Variants in PTPN1 observed in about 807,000 individuals in gnomAD.
PTPN1 encodes the protein protein tyrosine phosphatase non-receptor type 1, also known as tyrosine-protein phosphatase non-receptor type 1.
PTPN1 carries 12 observed loss-of-function variants against 59.9 expected under a neutral mutation model. The observed-to-expected ratio is 0.20, with a 90% CI of 0.13 to 0.32. The LOEUF (loss-of-function observed/expected upper bound fraction) is 0.32, where lower values mean the gene tolerates loss of function less well. PTPN1 is among the 10% of genes least tolerant of loss of function. The probability of loss-of-function intolerance (pLI) is 1.00; values close to 1 mark genes in which losing one functional copy is unlikely to be tolerated. For missense variants in PTPN1, 356 were observed against 549.2 expected, an observed-to-expected ratio of 0.65 and a Z score of 3.52; for synonymous variants, 178 against 203.6, an observed-to-expected ratio of 0.87 and a Z score of 1.07.
intron 1 of PTPN1, among the ~76,000 whole-genome samples, chr20:50,532,747 T>G (rs953588501): frequency 1.3e-5 from 2 of 152,034 alleles, no homozygotes; most frequent in South Asian, 4.2e-4. Flanking sequence ...TATGTGTGGG[T>G]GGGTGTGTGT....
intron 4 of PTPN1, among the ~76,000 whole-genome samples, chr20:50,569,863 A>C (rs115710222): frequency 0.027 from 4,153 of 152,318 alleles, 172 homozygotes; most frequent in African/African-American, 0.095. Context: ...GCAGGGCCAC[A>C]GGCTCCTCGG....
intron 4 of PTPN1, chr20:50,571,059 G>A (rs541787175): frequency 6.6e-6 from 1 of 152,370 alleles, no homozygotes; most frequent in African/African-American, 2.4e-5. Flanking sequence ...TTTAGCAATT[G>A]TTGTCACATT....
intron 1 of PTPN1, among the ~76,000 whole-genome samples, chr20:50,516,397 T>G (rs2082529195): frequency 2.6e-5 from 4 of 152,316 alleles, no homozygotes; most frequent in Admixed American, 2.6e-4. Context: ...CTTACTTTCT[T>G]TGGGTTTTGG....
intron 1 of PTPN1, among the ~76,000 whole-genome samples, chr20:50,551,839 T>C (rs2082703368): frequency 6.6e-6 from 1 of 152,224 alleles, no homozygotes; most frequent in Admixed American, 6.5e-5. Context: ...ATCTGTTTCA[T>C]GGCAAGTTTA....
intron 4 of PTPN1, among the ~76,000 whole-genome samples, chr20:50,569,270 C>T (rs2082794642): frequency 6.6e-6 from 1 of 152,204 alleles, no homozygotes; most frequent in African/African-American, 2.4e-5. Flanking sequence ...GCCCTAGGCC[C>T]CTGGACACAG....
chr20:50,565,526 T>C (rs1027222803), intron 3 of PTPN1, among the ~76,000 whole-genome samples: 2 of 152,222 alleles, frequency 1.3e-5, no homozygotes, highest in Non-Finnish European at 2.9e-5. Context: ...AAAGGCATCA[T>C]TGGATCATGT....
At chr20:50,531,461 C>T (rs1304766799) in intron 1 of PTPN1, among the ~76,000 whole-genome samples, 2 of 152,150 alleles carry the variant, frequency 1.3e-5, no homozygotes, top group African/African-American at 4.8e-5. Context: ...ACTGCAACCT[C>T]CGCCTCCCGA....
intron 1 of PTPN1, among the ~76,000 whole-genome samples, chr20:50,549,410 G>GT (rs1389960351): frequency 2.0e-5 from 3 of 151,856 alleles, no homozygotes; most frequent in South Asian, 2.1e-4. Context: ...GCAGTTGATT[G>GT]TTTTTTTTCC....
rs1253731797 is a variant in PTPN1 at position 50,510,633 on chromosome 20, C to T, written c.63+43C>T. ...AGCGTGGCGGGCCCTTCGCTTAGGC[C>T]GCTTGAACATCCCCTCAGACCTCCA... On this transcript the variant is annotated intron_variant, in intron 1 of 9. Coordinates refer to ENST00000371621, the MANE Select transcript of PTPN1 (RefSeq NM_002827.4). 12 of 1,540,848 alleles carry T rather than the reference C, an allele frequency of 7.8e-6. No homozygotes were observed. In the East Asian group the frequency reaches 9.9e-5, roughly 13 times the overall value.
At chr20:50,534,077 A>G (rs1043879083) in intron 1 of PTPN1, among the ~76,000 whole-genome samples, 34 of 152,256 alleles carry the variant, frequency 2.2e-4, no homozygotes, top group African/African-American at 7.7e-4. Flanking sequence ...AATTACAGGC[A>G]TGCGCCACCA....
chr20:50,567,761 G>T (rs1016278243), intron 3 of PTPN1, among the ~76,000 whole-genome samples: 7 of 152,212 alleles, frequency 4.6e-5, no homozygotes, highest in African/African-American at 1.7e-4. Context: ...GATGGAGGCT[G>T]TCTGCCGTCA....
At position 50,565,076 on chromosome 20, in the gene PTPN1, A is replaced by G; in HGVS notation, c.255+7A>G. 6.2e-7 allele frequency: 1 copy of G among 1,604,850 alleles called. No homozygotes were observed. The highest frequency in any genetic ancestry group is 8.5e-7 in the Non-Finnish European group (1 of 1,177,444). ...GAGTTACATTCTTACCCAGGTAAGC[A>G]GATTGTCTGAATTTTCTATTTAATG... On this transcript the variant is annotated splice_region_variant and intron_variant, in intron 3 of 9. Transcript: ENST00000371621.
intron 1 of PTPN1, among the ~76,000 whole-genome samples, chr20:50,548,712 GTTTA>G (rs1555829467): frequency 6.6e-6 from 1 of 152,092 alleles, no homozygotes; most frequent in East Asian, 1.9e-4. Context: ...GGCCAAGTAT[GTTTA>G]TTTATTTATT....
In PTPN1 at chr20:50,568,275, C is replaced by A; in HGVS notation, c.256-105C>A. On this transcript the variant is annotated intron_variant, in intron 3 of 9. Transcript: ENST00000371621. The surrounding 1 kb of genome is among the most constrained non-coding windows in gnomAD (Gnocchi z 5.6). Reference sequence around the variant, plus strand: ...AGCCTCAGCCACCACTCTGCCTAAGCTGTGGGGACTGAGGGCGCTGTCGTT... The same window carrying A: ...AGCCTCAGCCACCACTCTGCCTAAGATGTGGGGACTGAGGGCGCTGTCGTT... 1.1e-6 allele frequency: 1 copy of A among 938,448 alleles called. No homozygotes were observed. Among genetic ancestry groups the A allele is most frequent in the Non-Finnish European group, 1.7e-6 (1 of 582,548 alleles). 58.1% of individuals were successfully genotyped at this position (938,448 alleles called of 1,614,324 possible).
intron 5 of PTPN1, among the ~76,000 whole-genome samples, chr20:50,576,635 G>A (rs946568953): frequency 6.6e-6 from 1 of 152,030 alleles, no homozygotes; most frequent in South Asian, 2.1e-4. Flanking sequence ...TTGAGGGGCT[G>A]AGGTGGGTGG....
At chr20:50,545,676 G>A (rs1465139943) in intron 1 of PTPN1, among the ~76,000 whole-genome samples, 1 of 152,074 alleles carries the variant, frequency 6.6e-6, no homozygotes, top group Non-Finnish European at 1.5e-5. Context: ...GAAAGATGGA[G>A]GTGCAGCTAG....
At chr20:50,511,089 T>C (rs2082505265) in intron 1 of PTPN1, among the ~76,000 whole-genome samples, 1 of 152,104 alleles carries the variant, frequency 6.6e-6, no homozygotes, top group African/African-American at 2.4e-5. Context: ...CAGTCCCCTT[T>C]CCCCTTTCTG....
chr20:50,565,773 A>G (rs937297143), intron 3 of PTPN1, among the ~76,000 whole-genome samples: 11 of 152,042 alleles, frequency 7.2e-5, no homozygotes, highest in Admixed American at 2.6e-4. Flanking sequence ...GTTTTTCATC[A>G]TAATTTTTGT....
At chr20:50,535,122 C>T (rs1032375905) in intron 1 of PTPN1, among the ~76,000 whole-genome samples, 1 of 152,216 alleles carries the variant, frequency 6.6e-6, no homozygotes, top group African/African-American at 2.4e-5. Context: ...TCTTCAAAGT[C>T]GCCTTCAGCT....
Sources: allele counts gnomAD v4.1 joint callset (sites outside exome capture counted in the v4.1 genomes callset), GRCh38; gene constraint gnomAD v4.1.1; non-coding constraint Gnocchi (gnomAD v3.1); transcripts MANE v1.5; gene names NCBI Gene and HGNC (gene_info 2026-07-23, HGNC 2026-07-21).